B9D2: variants seen among roughly 807,000 people sequenced by gnomAD.
B9D2 encodes B9 domain containing 2.
A neutral mutation model predicts 19.2 loss-of-function variants in B9D2; 21 were observed. The observed-to-expected ratio is 1.09, with a 90% confidence interval of 0.78 to 1.58. The LOEUF is 1.58. Ranked by LOEUF, B9D2 falls within the 40% of genes most tolerant of loss-of-function variation. B9D2 has a pLI of 0.00. For missense variants in B9D2, 221 were observed against 244.3 expected (o/e 0.90, Z 0.64); for synonymous variants, 91 against 100.6 (o/e 0.90, Z 0.57).
At chr19:41,358,913 G>C (rs546835724) in intron 2 of B9D2, among the ~76,000 whole-genome samples, 6 of 151,952 alleles carry the variant, frequency 3.9e-5, no homozygotes, top group East Asian at 1.9e-4. Flanking sequence ...GAGGCTTAGG[G>C]GGGGGTGGAT....
At chr19:41,356,744 G>GT (rs923538572) in intron 3 of B9D2, among the ~76,000 whole-genome samples, 2 of 151,742 alleles carry the variant, frequency 1.3e-5, no homozygotes, top group Non-Finnish European at 2.9e-5. Context: ...CCAGCTACTC[G>GT]TGAGGCTGAG....
intron 2 of B9D2, chr19:41,360,872 TG>T (rs1334502957): frequency 6.6e-6 from 1 of 152,182 alleles, no homozygotes; most frequent in Non-Finnish European, 1.5e-5. Context: ...TGCACACTGC[TG>T]GATCCCCAAG....
Position 41,354,614 on chromosome 19 carries a change from A to C in B9D2, c.*86T>G, listed in dbSNP as rs2038274594. 2.6e-6 allele frequency: 4 copies of C among 1,544,370 alleles called. No individual in the cohort carries two copies. The highest frequency in any genetic ancestry group is 3.6e-6 in the Non-Finnish European group (4 of 1,122,854). On this transcript the variant is annotated 3_prime_UTR_variant, in exon 4 of 4. Coordinates refer to ENST00000243578, the MANE Select transcript of B9D2 (RefSeq NM_030578.4). Reference sequence around the variant, plus strand: ...TGGGGTCAGCTCTGACAGTCTCTAGAGTCTGTGCTCTTGACCACTGTGCCA... The same window carrying C: ...TGGGGTCAGCTCTGACAGTCTCTAGCGTCTGTGCTCTTGACCACTGTGCCA...
intron 2 of B9D2, chr19:41,363,195 A>G: frequency 1.8e-6 from 1 of 562,928 alleles, no homozygotes; most frequent in Non-Finnish European, 3.2e-6. Context: ...GCACTGAGCT[A>G]TGATCACACC....
rs2038466023 is a variant in B9D2 at position 41,364,023 on chromosome 19, T to C, written c.-70A>G. Reference sequence around the variant, plus strand: ...CGGGGTTGTAGTTCATGGGCTTGACTGCTTCTTTTCTCCGCGGGCGCCGAC... The same window carrying C: ...CGGGGTTGTAGTTCATGGGCTTGACCGCTTCTTTTCTCCGCGGGCGCCGAC... On this transcript the variant is annotated 5_prime_UTR_variant, in exon 1 of 4. Coordinates refer to ENST00000243578, the MANE Select transcript of B9D2 (RefSeq NM_030578.4). The C allele has an allele frequency of 5.6e-6, 1 of 180,142 alleles. No individual in the cohort carries two copies. The highest frequency in any genetic ancestry group is 5.5e-5 in the Admixed American group (1 of 18,192). The allele number at this position is 180,142 out of a possible 1,614,324, so 11.2% of individuals were successfully genotyped here.
intron 3 of B9D2, among the ~76,000 whole-genome samples, chr19:41,356,438 G>A (rs1286375387): frequency 6.6e-6 from 1 of 152,172 alleles, no homozygotes; most frequent in Non-Finnish European, 1.5e-5. Flanking sequence ...CACCACTGGG[G>A]GACTGGAGGC....
intron 2 of B9D2, among the ~76,000 whole-genome samples, chr19:41,358,950 G>A (rs1450523578): frequency 6.6e-6 from 1 of 152,088 alleles, no homozygotes; most frequent in East Asian, 1.9e-4. Flanking sequence ...TTCAAGACCA[G>A]CCTGGCCAAC....
chr19:41,363,937 C>T (rs755353209), intron 1 of B9D2, 21 bp downstream of exon 1: 45 of 361,104 alleles, frequency 1.2e-4, no homozygotes, highest in Non-Finnish European at 2.2e-4. Context: ...CCTCTAAGCG[C>T]AGCGCATGCG....
At chr19:41,359,038 G>A (rs1312589342) in intron 2 of B9D2, among the ~76,000 whole-genome samples, 5 of 151,658 alleles carry the variant, frequency 3.3e-5, no homozygotes, top group South Asian at 2.1e-4. Flanking sequence ...CCAGGTACTC[G>A]GGAGGCTGAG....
chr19:41,360,227 G>A (rs2038382455), intron 2 of B9D2, among the ~76,000 whole-genome samples: 1 of 152,186 alleles, frequency 6.6e-6, no homozygotes, highest in Admixed American at 6.6e-5. Flanking sequence ...CCAGGCTGGA[G>A]TGCAGTGGCA....
intron 3 of B9D2, among the ~76,000 whole-genome samples, chr19:41,355,448 C>T (rs902579724): frequency 6.6e-6 from 1 of 152,096 alleles, no homozygotes; most frequent in Non-Finnish European, 1.5e-5. Context: ...TGTCCCTGCC[C>T]TGCTCTCTTT....
chr19:41,363,840 TC>T (rs1172308203), intron 1 of B9D2, 117 bp downstream of exon 1: 6 of 536,798 alleles, frequency 1.1e-5, no homozygotes, highest in Non-Finnish European at 1.7e-5. Flanking sequence ...AGACCCGCCT[TC>T]CGCGTCACGC....
intron 2 of B9D2, among the ~76,000 whole-genome samples, chr19:41,359,330 G>A (rs2038366888): frequency 6.6e-6 from 1 of 152,016 alleles, no homozygotes; most frequent in South Asian, 2.1e-4. Flanking sequence ...ACTTTGGGAA[G>A]CCAAGGCAGG....
intron 2 of B9D2, among the ~76,000 whole-genome samples, chr19:41,359,759 T>C (rs1427704683): frequency 1.3e-5 from 2 of 151,932 alleles, no homozygotes; most frequent in African/African-American, 2.4e-5. Flanking sequence ...AAATCCCAGA[T>C]GCTATGCTAA....
In B9D2 at chr19:41,356,570, G is replaced by A. The variant is rs552789793; in HGVS notation, c.214+1327C>T. ...TTTAAAAGTGAAATCTCAGCCAGGCGCGGTGGCTCATGCCTGTAATCCCAG... is the reference window on the plus strand; with the variant it reads ...TTTAAAAGTGAAATCTCAGCCAGGCACGGTGGCTCATGCCTGTAATCCCAG... On this transcript the variant is annotated intron_variant, in intron 3 of 3. Coordinates refer to ENST00000243578, the MANE Select transcript of B9D2 (RefSeq NM_030578.4). Among the ~76,000 whole-genome samples the A allele has an allele frequency of 2.4e-4, 37 of 152,132 alleles. No individual in the cohort carries two copies. In the South Asian group the frequency reaches 4.4e-3, roughly 18 times the overall value.
Position 41,357,937 on chromosome 19 carries a change from G to C in B9D2, c.174C>G (p.Ser58=). Residue 58 remains serine (S), a synonymous_variant, in exon 3 of 4, where the codon TCC becomes TCG. Coordinates refer to ENST00000243578, the MANE Select transcript of B9D2 (RefSeq NM_030578.4). ...TGGCGAAGTGCAGGTCGATGGGGTGGGACCAGTAAGCCATGTCCCCTATCT... is the reference window on the plus strand; with the variant it reads ...TGGCGAAGTGCAGGTCGATGGGGTGCGACCAGTAAGCCATGTCCCCTATCT... ...TPQIGDMAYW[S]HPIDLHFATK... 1 of 1,614,130 alleles carries C rather than the reference G, an allele frequency of 6.2e-7. No individual in the cohort carries two copies. Among genetic ancestry groups the C allele is most frequent in the Non-Finnish European group, 8.5e-7 (1 of 1,180,018 alleles).
chr19:41,354,907 C>G lies in B9D2; in HGVS notation c.321G>C (p.Gln107His), dbSNP rs373685141. 3.1e-6 allele frequency: 5 copies of G among 1,613,482 alleles called. No homozygotes were observed. The African/African-American group carries it at 5.3e-5, about 17-fold the overall frequency. The change falls in exon 4 of 4, where the codon CAG becomes CAC. Residue 107 changes from glutamine to histidine, a missense_variant. Coordinates refer to ENST00000243578, the MANE Select transcript of B9D2 (RefSeq NM_030578.4). Reference sequence around the variant, plus strand: ...GGGGCCGCCACGTGGGGCAGGCCAGCTGGTGGGTGCCCGGGCTACTGGGCA... The same window carrying G: ...GGGGCCGCCACGTGGGGCAGGCCAGGTGGTGGGTGCCCGGGCTACTGGGCA... ...CHVPSSPGTH[Q>H]LACPTWRPLG... is the part of the protein sequence containing the mutation.
chr19:41,360,760 C>T (rs1599908959), intron 2 of B9D2, among the ~76,000 whole-genome samples: 1 of 152,130 alleles, frequency 6.6e-6, no homozygotes, highest in Admixed American at 6.6e-5. Flanking sequence ...CTGCCCGCCT[C>T]GGACTCCCAA....
At chr19:41,356,211 C>T (rs1277978064) in intron 3 of B9D2, among the ~76,000 whole-genome samples, 1 of 152,102 alleles carries the variant, frequency 6.6e-6, no homozygotes, top group Non-Finnish European at 1.5e-5. Flanking sequence ...AGGGTCCCAG[C>T]TGCATGTGGG....
Sources: gnomAD v4.1 joint callset for allele counts (sites outside exome capture counted in the v4.1 genomes callset) on GRCh38, gnomAD v4.1.1 for gene constraint, MANE v1.5 for transcripts, NCBI Gene and HGNC (gene_info 2026-07-23, HGNC 2026-07-21) for gene names.